Variants in ZSWIM6 observed in about 807,000 individuals in gnomAD.
ZSWIM6 encodes the protein zinc finger SWIM-type containing 6, also known as zinc finger SWIM domain-containing protein 6.
A neutral mutation model predicts 113.2 loss-of-function variants in ZSWIM6; 9 were observed. The ratio of observed to expected loss-of-function variants is 0.08; its 90% CI spans 0.05 to 0.14. The LOEUF is 0.14. Ranked by LOEUF, ZSWIM6 falls within the 10% of genes least tolerant of loss-of-function variation. The pLI, the probability that ZSWIM6 is intolerant of heterozygous loss-of-function variation, is 1.00. For synonymous variants in ZSWIM6, 611 were observed against 606.5 expected, an observed-to-expected ratio of 1.01 and a Z score of -0.11; for missense variants, 1,162 against 1,552.2, an observed-to-expected ratio of 0.75 and a Z score of 4.22.
At position 61,539,660 on chromosome 5, in the gene ZSWIM6, C is replaced by A; in HGVS notation, c.2604C>A (p.His868Gln). The A allele has an allele frequency of 6.4e-7, 1 of 1,552,020 alleles. No individual in the cohort carries two copies. Among genetic ancestry groups the A allele is most frequent in the Non-Finnish European group, 8.7e-7 (1 of 1,147,054 alleles). The change falls in exon 12 of 14, where the codon CAC becomes CAA. Residue 868 changes from histidine to glutamine, a missense_variant. His to Gln is a conservative substitution (Grantham distance 24). This residue lies in a region of ZSWIM6 where 620 missense variants were observed against 804.6 expected (regional missense o/e 0.77). Transcript: ENST00000252744. ...SIQKNIHSSS[H>Q]IFKLAQDAFK... The stretch of plus-strand genomic sequence containing the variant: ...AGAAAAACATTCACTCCTCATCACA[C>A]ATCTTCAAGCTTGCCCAAGATGCAT...
At chr5:61,369,255 G>GA (rs1301542051) in intron 1 of ZSWIM6, among the ~76,000 whole-genome samples, 1 of 152,154 alleles carries the variant, frequency 6.6e-6, no homozygotes, top group African/African-American at 2.4e-5. Flanking sequence ...CCCTATTAGA[G>GA]AATTTATCTT....
intron 4 of ZSWIM6, among the ~76,000 whole-genome samples, chr5:61,508,076 C>T (rs1259455153): frequency 6.6e-6 from 1 of 152,110 alleles, no homozygotes; most frequent in East Asian, 1.9e-4. Context: ...CATCAGTTTC[C>T]TTATCTATAA....
At chr5:61,410,746 A>T (rs1196904495) in intron 1 of ZSWIM6, among the ~76,000 whole-genome samples, 2 of 152,212 alleles carry the variant, frequency 1.3e-5, no homozygotes, top group African/African-American at 4.8e-5. Context: ...ATTGAACTCA[A>T]ATATTAAGGT....
At chr5:61,391,314 C>T (rs967118619) in intron 1 of ZSWIM6, 2 of 832,918 alleles carry the variant, frequency 2.4e-6, no homozygotes. Context: ...TGGTGCCTCC[C>T]TTTACCTGGA....
At chr5:61,443,871 ATTAATG>A (rs1015112541) in intron 1 of ZSWIM6, among the ~76,000 whole-genome samples, 19 of 152,186 alleles carry the variant, frequency 1.2e-4, no homozygotes, top group Non-Finnish European at 2.1e-4. Flanking sequence ...ATGGTACATT[ATTAATG>A]TTAAAGTTAA....
chr5:61,370,819 T>C (rs942767571), intron 1 of ZSWIM6, among the ~76,000 whole-genome samples: 5 of 152,344 alleles, frequency 3.3e-5, no homozygotes, highest in African/African-American at 4.8e-5. Context: ...ATTTTTTTTT[T>C]GCCAATTAAC....
intron 1 of ZSWIM6, among the ~76,000 whole-genome samples, chr5:61,341,381 T>C (rs1273535612): frequency 1.3e-5 from 2 of 152,244 alleles, no homozygotes; most frequent in Non-Finnish European, 2.9e-5. Flanking sequence ...TGTATGTACA[T>C]CTCACATTCA....
chr5:61,526,856 A>C (rs1749299276), intron 7 of ZSWIM6, among the ~76,000 whole-genome samples: 1 of 152,198 alleles, frequency 6.6e-6, no homozygotes, highest in Non-Finnish European at 1.5e-5. Context: ...GGCTCAGTAG[A>C]GGGCCTATCT....
intron 2 of ZSWIM6, among the ~76,000 whole-genome samples, chr5:61,486,004 G>A (rs1399203097): frequency 6.6e-6 from 1 of 152,214 alleles, no homozygotes; most frequent in Non-Finnish European, 1.5e-5. Flanking sequence ...AGGTACAAGA[G>A]TAATTTTGTT....
chr5:61,443,614 A>G (rs1297211427), intron 1 of ZSWIM6, among the ~76,000 whole-genome samples: 1 of 152,198 alleles, frequency 6.6e-6, no homozygotes, highest in African/African-American at 2.4e-5. Context: ...GATATCACAA[A>G]ATAGGATCAT....
rs183315517 is a variant in ZSWIM6 at position 61,505,470 on chromosome 5, C to G, written c.1333+11060C>G. ...TGAGGTTGGGCTGTTTTTGATGTAT[C>G]TTTCATGTTGACTGACTGCACCAAC... On this transcript the variant is annotated intron_variant, in intron 4 of 13. Transcript: ENST00000252744. Among the ~76,000 whole-genome samples the G allele has an allele frequency of 1.8e-3, 273 of 152,212 alleles. 1 individual carries two copies. Among genetic ancestry groups the G allele is most frequent in the Non-Finnish European group, 2.5e-3 (169 of 68,010 alleles).
rs1749655112 is a variant in ZSWIM6 at position 61,538,952 on chromosome 5, C to T, written c.2520C>T (p.Thr840=). The part of the protein sequence containing the change: ...IESQQCELAS[T]MLTAAKGDVR... ...CCCAGCAGTGTGAGCTGGCATCCAC[C>T]ATGCTAACTGCAGCCAAAGGTACTG... Residue 840 remains threonine (T), a synonymous_variant, in exon 11 of 14, where the codon ACC becomes ACT. Coordinates refer to ENST00000252744, the MANE Select transcript of ZSWIM6 (RefSeq NM_020928.2). The T allele has an allele frequency of 6.4e-7, 1 of 1,551,676 alleles. No individual in the cohort carries two copies. The highest frequency in any genetic ancestry group is 8.7e-7 in the Non-Finnish European group (1 of 1,146,962).
At chr5:61,407,273 G>A (rs532360333) in intron 1 of ZSWIM6, among the ~76,000 whole-genome samples, 11 of 152,228 alleles carry the variant, frequency 7.2e-5, no homozygotes, top group Admixed American at 1.3e-4. Flanking sequence ...ATTTGTGTTG[G>A]GACTAGTGGA....
chr5:61,494,482 C>A, intron 4 of ZSWIM6, 72 bp downstream of exon 4: 1 of 1,527,256 alleles, frequency 6.5e-7, no homozygotes, highest in Non-Finnish European at 8.8e-7. Context: ...GTTTCAAGAA[C>A]ATGGTCGTAG....
At chr5:61,510,372 G>A (rs1370050418) in intron 4 of ZSWIM6, among the ~76,000 whole-genome samples, 1 of 151,912 alleles carries the variant, frequency 6.6e-6, no homozygotes, top group Admixed American at 6.6e-5. Context: ...TAACCAAATG[G>A]CTTGCCATGA....
intron 8 of ZSWIM6, among the ~76,000 whole-genome samples, 188 bp downstream of exon 8, chr5:61,530,386 T>TA (rs1353964766): frequency 2.0e-5 from 3 of 152,306 alleles, no homozygotes; most frequent in East Asian, 3.9e-4. Context: ...GGAAAAGTCT[T>TA]AGAGTTGATA....
At chr5:61,403,042 G>C (rs1425561425) in intron 1 of ZSWIM6, among the ~76,000 whole-genome samples, 1 of 152,200 alleles carries the variant, frequency 6.6e-6, no homozygotes, top group African/African-American at 2.4e-5. Context: ...AAAATTAAGA[G>C]AGTAATTGTG....
intron 7 of ZSWIM6, among the ~76,000 whole-genome samples, chr5:61,528,581 C>T (rs541249905): frequency 1.3e-5 from 2 of 150,952 alleles, no homozygotes; most frequent in East Asian, 2.0e-4. Context: ...TGTGCCAAAC[C>T]GTTTTTCCTC....
Position 61,472,334 on chromosome 5 carries a change from A to G in ZSWIM6, c.677-347A>G, listed in dbSNP as rs539797277. On this transcript the variant is annotated intron_variant, in intron 1 of 13. Transcript: ENST00000252744. The surrounding 1 kb of genome is among the most constrained non-coding windows in gnomAD (Gnocchi z 4.1). ...ACCACTGATCCCACTGATCTAGGGG[A>G]TTATTGTGTTGTATACCACTGATTC... 6.6e-6 allele frequency among the ~76,000 whole-genome samples: 1 copy of G among 152,232 alleles called. No individual in the cohort carries two copies. The highest frequency in any genetic ancestry group is 1.9e-4 in the East Asian group (1 of 5,180).
Sources: gnomAD v4.1 joint callset for allele counts (sites outside exome capture counted in the v4.1 genomes callset) on GRCh38, gnomAD v4.1.1 for gene constraint, gnomAD v4.1.1 regional missense constraint, Gnocchi (gnomAD v3.1) non-coding constraint, MANE v1.5 for transcripts, NCBI Gene and HGNC (gene_info 2026-07-23, HGNC 2026-07-21) for gene names.